The following NELL1 variants were observed in gnomAD, a reference collection of about 807,000 sequenced individuals.
The protein encoded by NELL1 is neural EGFL like 1.
Under a neutral mutation model 107.4 loss-of-function variants are expected in NELL1, and 76 were observed. That is an observed-to-expected ratio of 0.71 (90% CI 0.59 to 0.86). The LOEUF is 0.86. Among genes scored for constraint, NELL1 ranks in the 40% least tolerant of loss-of-function variants. The pLI is 0.00. For synonymous variants in NELL1, 353 were observed against 341.2 expected, an observed-to-expected ratio of 1.03 and a Z score of -0.38; for missense variants, 1,024 against 1,005.5, an observed-to-expected ratio of 1.02 and a Z score of -0.25.
chr11:21,388,410 A>G (rs1195416425), intron 15 of NELL1, among the ~76,000 whole-genome samples: 1 of 151,884 alleles, frequency 6.6e-6, no homozygotes, highest in African/African-American at 2.4e-5. Flanking sequence ...GTGAAGAGTC[A>G]TAGGGTACAA....
chr11:21,051,847 T>G (rs865781708), intron 12 of NELL1, among the ~76,000 whole-genome samples: 4 of 152,092 alleles, frequency 2.6e-5, no homozygotes, highest in African/African-American at 9.7e-5. Context: ...GCTGTAACAG[T>G]GACAAAAGAC....
chr11:21,299,511 ATGTGTGTG>A (rs71063696), intron 14 of NELL1, among the ~76,000 whole-genome samples: 16,219 of 136,274 alleles, frequency 0.12, 894 homozygotes, highest in African/African-American at 0.13. Context: ...ATTGTCTTAT[ATGTGTGTG>A]TGTGTGTGTG....
At chr11:21,515,041 A>C (rs1314636364) in intron 15 of NELL1, among the ~76,000 whole-genome samples, 1 of 152,200 alleles carries the variant, frequency 6.6e-6, no homozygotes, top group Non-Finnish European at 1.5e-5. Flanking sequence ...CAATGAACAA[A>C]TGGCGAAAGT....
chr11:20,672,882 G>C (rs1050935344), intron 1 of NELL1, among the ~76,000 whole-genome samples: 2 of 123,338 alleles, frequency 1.6e-5, no homozygotes, highest in African/African-American at 6.4e-5. Context: ...ATGGAGTTTT[G>C]CTCTTGTTGC....
At chr11:20,798,765 C>T (rs899924156) in intron 3 of NELL1, among the ~76,000 whole-genome samples, 3 of 152,186 alleles carry the variant, frequency 2.0e-5, no homozygotes, top group Non-Finnish European at 4.4e-5. Context: ...TCTGCTTTGT[C>T]AATGAATATC....
chr11:20,748,369 A>G (rs1856050844), intron 2 of NELL1, among the ~76,000 whole-genome samples: 1 of 152,206 alleles, frequency 6.6e-6, no homozygotes, highest in African/African-American at 2.4e-5. Context: ...GTCTGCAAGT[A>G]ACTGCCAACA....
intron 11 of NELL1, among the ~76,000 whole-genome samples, chr11:20,960,203 G>T (rs2134214184): frequency 6.6e-6 from 1 of 152,204 alleles, no homozygotes; most frequent in Admixed American, 6.5e-5. Flanking sequence ...ATTCAGGTAG[G>T]AACAGCCTCA....
rs1018159648 is a variant in NELL1, at chr11:21,182,851, C to T, written c.1427-46481C>T. 5.9e-5 allele frequency among the ~76,000 whole-genome samples: 9 copies of T among 151,818 alleles called. 1 individual carries two copies. Among genetic ancestry groups the T allele is most frequent in the African/African-American group, 1.7e-4 (7 of 41,182 alleles). ...CATTGCTCTTCAAATGTTGGGAAAA[C>T]GGCAAATGGGAACCAAGTACTGCTA... On this transcript the variant is annotated intron_variant, in intron 13 of 19. Transcript: ENST00000357134.
chr11:20,905,002 A>ATTT (rs201231648), intron 5 of NELL1, among the ~76,000 whole-genome samples: 1 of 129,616 alleles, frequency 7.7e-6, no homozygotes, highest in Non-Finnish European at 1.7e-5. Flanking sequence ...CTAATTTTTA[A>ATTT]TTTTTTTTTT....
chr11:21,035,581 T>C (rs533261093), intron 12 of NELL1, among the ~76,000 whole-genome samples: 2 of 151,938 alleles, frequency 1.3e-5, no homozygotes, highest in East Asian at 3.9e-4. Context: ...TGGTTCAACA[T>C]ATGTGAATCA....
chr11:20,744,016 T>C (rs1360525124), intron 2 of NELL1, among the ~76,000 whole-genome samples: 1 of 152,202 alleles, frequency 6.6e-6, no homozygotes, highest in African/African-American at 2.4e-5. Flanking sequence ...ATGTTTATGT[T>C]CCTCATCTAG....
At chr11:20,915,717 A>ATATATATATATATCTATTTTTTTTTTT in intron 5 of NELL1, among the ~76,000 whole-genome samples, 1 of 58,224 alleles carries the variant, frequency 1.7e-5, no homozygotes, top group African/African-American at 8.8e-5. Context: ...ATATATATAT[A>ATATATATATATATCTATTTTTTTTTTT]TTTTTTTTTT....
chr11:21,507,391 A>G (rs74632293), intron 15 of NELL1, among the ~76,000 whole-genome samples: 16 of 152,142 alleles, frequency 1.1e-4, no homozygotes, highest in African/African-American at 3.6e-4. Flanking sequence ...TCAGGTCTCA[A>G]CAGGATCCTA....
rs75810876 is a variant in NELL1 at position 21,428,426 on chromosome 11, A to G, written c.1645+57478A>G. Reference sequence around the variant, plus strand: ...TAAATTTATTTGAGATAGTGTCGATAAAGTTATTATTGTTACTTTTATTTG... The same window carrying G: ...TAAATTTATTTGAGATAGTGTCGATGAAGTTATTATTGTTACTTTTATTTG... On this transcript the variant is annotated intron_variant, in intron 15 of 19. Coordinates refer to ENST00000357134, the MANE Select transcript of NELL1 (RefSeq NM_006157.5). 8.4e-3 allele frequency among the ~76,000 whole-genome samples: 1,277 copies of G among 152,298 alleles called. 17 individuals carry two copies. The highest frequency in any genetic ancestry group is 0.028 in the African/African-American group (1,159 of 41,562).
rs141561827 is a variant in NELL1 at position 21,123,562 on chromosome 11, C to T, written c.1426+9848C>T. ...TATATAGATAGACATATATGTCAAT[C>T]ACTCTTTTCTGGAGAAGGTTCAGGA... On this transcript the variant is annotated intron_variant, in intron 13 of 19. Transcript: ENST00000357134. Among the ~76,000 whole-genome samples, 16 of 152,186 alleles carry T rather than the reference C, an allele frequency of 1.1e-4. 1 individual carries two copies. In the East Asian group the frequency reaches 3.1e-3, roughly 29 times the overall value.
intron 14 of NELL1, among the ~76,000 whole-genome samples, chr11:21,348,433 A>G (rs1352099444): frequency 6.6e-6 from 1 of 152,198 alleles, no homozygotes; most frequent in African/African-American, 2.4e-5. Context: ...AAGCTGGAAT[A>G]AAAGTAAAGT....
At chr11:21,508,378 C>T (rs538940610) in intron 15 of NELL1, among the ~76,000 whole-genome samples, 37 of 152,176 alleles carry the variant, frequency 2.4e-4, no homozygotes, top group African/African-American at 8.7e-4. Context: ...AATCAGTACT[C>T]ACCTACACAT....
chr11:20,827,452 G>T (rs1448391255), intron 3 of NELL1, among the ~76,000 whole-genome samples: 1 of 151,262 alleles, frequency 6.6e-6, no homozygotes, highest in Non-Finnish European at 1.5e-5. Flanking sequence ...ACCAATTCAG[G>T]TGTTTCTGGC....
At chr11:21,350,464 A>G (rs1409907037) in intron 14 of NELL1, among the ~76,000 whole-genome samples, 2 of 152,204 alleles carry the variant, frequency 1.3e-5, no homozygotes, top group Admixed American at 6.5e-5. Flanking sequence ...CCCAATGCAT[A>G]TGTTTATAAT....
Sources: allele counts gnomAD v4.1 joint callset (sites outside exome capture counted in the v4.1 genomes callset), GRCh38; gene constraint gnomAD v4.1.1; transcripts MANE v1.5; gene names NCBI Gene and HGNC (gene_info 2026-07-23, HGNC 2026-07-21).